GRIN2A: variants seen among roughly 807,000 people sequenced by gnomAD.
GRIN2A encodes the protein glutamate ionotropic receptor NMDA type subunit 2A, also known as glutamate receptor ionotropic, NMDA 2A.
In GRIN2A, 22 loss-of-function variants were observed where a neutral mutation model predicts 113.4. That is an observed-to-expected ratio of 0.19 (90% confidence interval 0.14 to 0.28). The LOEUF (loss-of-function observed/expected upper bound fraction) is 0.28, where lower values mean the gene tolerates loss of function less well. Among genes scored for constraint, GRIN2A ranks in the 10% least tolerant of loss-of-function variants. GRIN2A has a pLI of 1.00. For missense variants in GRIN2A, 1,502 were observed against 1,887.0 expected, an observed-to-expected ratio of 0.80 and a Z score of 3.78; for synonymous variants, 827 against 738.4, an observed-to-expected ratio of 1.12 and a Z score of -1.94.
chr16:9,834,292 G>A (rs2042549096), intron 7 of GRIN2A, 62 bp from the exon 8 acceptor site: 1 of 1,564,236 alleles, frequency 6.4e-7, no homozygotes. Context: ...ACTTCCAGCA[G>A]GAAGCCCAGA....
intron 2 of GRIN2A, among the ~76,000 whole-genome samples, chr16:10,131,135 T>C (rs539117023): frequency 5.9e-5 from 9 of 152,308 alleles, no homozygotes; most frequent in African/African-American, 2.2e-4. Flanking sequence ...CTGATCAAGA[T>C]GGCATGGAGT....
At chr16:9,914,904 GCTTTTTTTTTTTTTTTTTTTT>G (rs2044213319) in intron 3 of GRIN2A, among the ~76,000 whole-genome samples, 3 of 48,716 alleles carry the variant, frequency 6.2e-5, no homozygotes, top group Admixed American at 3.2e-4. Context: ...TGATTATGCA[GCTTTTTTTTTTTTTTTTTTTT>G]TTTTTTTTTT....
intron 2 of GRIN2A, among the ~76,000 whole-genome samples, chr16:10,173,750 T>C (rs1360331346): frequency 1.3e-5 from 2 of 152,180 alleles, no homozygotes; most frequent in African/African-American, 4.8e-5. Flanking sequence ...TGGTATGAAC[T>C]GAACACTCTG....
At position 9,760,070 on chromosome 16, in the gene GRIN2A, G is replaced by T. The variant is rs749467245; in HGVS notation, c.*3079C>A. On this transcript the variant is annotated 3_prime_UTR_variant, in exon 13 of 13. Coordinates refer to ENST00000330684, the MANE Select transcript of GRIN2A (RefSeq NM_001134407.3). ...TTAGAATTAACAAAATATCATTATG[G>T]ATGCCAGCTCTGACTTAAGCCAGCT... 4.4e-5 allele frequency: 10 copies of T among 228,174 alleles called. No individual in the cohort carries two copies. The highest frequency in any genetic ancestry group is 8.9e-5 in the African/African-American group (4 of 45,062). 14.1% of individuals were successfully genotyped at this position (228,174 alleles called of 1,614,324 possible).
intron 3 of GRIN2A, among the ~76,000 whole-genome samples, chr16:9,906,136 T>C (rs1209529336): frequency 2.6e-5 from 4 of 152,228 alleles, no homozygotes; most frequent in African/African-American, 9.6e-5. Flanking sequence ...CATACTCATA[T>C]CAAGCCCACT....
intron 2 of GRIN2A, among the ~76,000 whole-genome samples, chr16:10,079,819 A>G (rs562225173): frequency 3.9e-5 from 6 of 152,354 alleles, no homozygotes; most frequent in African/African-American, 1.4e-4. Flanking sequence ...AGCTTGGCAC[A>G]GGCTGGGAAG....
intron 2 of GRIN2A, among the ~76,000 whole-genome samples, chr16:10,011,292 T>G (rs901978325): frequency 1.3e-5 from 2 of 152,178 alleles, no homozygotes; most frequent in South Asian, 2.1e-4. Context: ...TGGAGACAAG[T>G]TCACCCCTGA....
At chr16:9,798,786 A>AAAT (rs1903169376) in intron 10 of GRIN2A, among the ~76,000 whole-genome samples, 1 of 152,226 alleles carries the variant, frequency 6.6e-6, no homozygotes, top group African/African-American at 2.4e-5. Flanking sequence ...TGCCCTATTT[A>AAAT]GAAAGGTTTG....
intron 2 of GRIN2A, among the ~76,000 whole-genome samples, chr16:10,039,642 T>C (rs1272880393): frequency 1.3e-5 from 2 of 150,312 alleles, no homozygotes; most frequent in African/African-American, 4.9e-5. Flanking sequence ...GCGGGGAGGG[T>C]CCGCACCCGG....
chr16:9,950,040 AG>A (rs2045140573), intron 2 of GRIN2A, among the ~76,000 whole-genome samples: 1 of 152,120 alleles, frequency 6.6e-6, no homozygotes, highest in Admixed American at 6.5e-5. Flanking sequence ...AATTCTGAGG[AG>A]GGTTGGGCTG....
chr16:10,125,823 G>T (rs983043039), intron 2 of GRIN2A, among the ~76,000 whole-genome samples: 1 of 151,942 alleles, frequency 6.6e-6, no homozygotes, highest in Admixed American at 6.6e-5. Context: ...GGGGGTAAAG[G>T]CTGGGTGGGA....
intron 2 of GRIN2A, among the ~76,000 whole-genome samples, chr16:10,129,556 G>A (rs376745007): frequency 2.2e-4 from 34 of 152,310 alleles, no homozygotes; most frequent in African/African-American, 7.9e-4. Context: ...GACAACCACA[G>A]AAAGGTCCAG....
intron 4 of GRIN2A, among the ~76,000 whole-genome samples, chr16:9,869,959 C>T (rs2043228408): frequency 6.6e-6 from 1 of 152,194 alleles, no homozygotes; most frequent in Admixed American, 6.5e-5. Flanking sequence ...AGGAACAAGG[C>T]ATTGTTTTTA....
At chr16:9,799,089 CAG>C (rs1190805822) in intron 10 of GRIN2A, among the ~76,000 whole-genome samples, 1 of 152,172 alleles carries the variant, frequency 6.6e-6, no homozygotes, top group South Asian at 2.1e-4. Flanking sequence ...CACGCATACA[CAG>C]AGATTGGCAA....
intron 2 of GRIN2A, among the ~76,000 whole-genome samples, chr16:10,173,278 G>C (rs2050079783): frequency 6.6e-6 from 1 of 152,184 alleles, no homozygotes; most frequent in Non-Finnish European, 1.5e-5. Context: ...CCCTTTTCGA[G>C]AGCTCTCAGT....
chr16:10,139,186 G>A (rs1412283867), intron 2 of GRIN2A, among the ~76,000 whole-genome samples: 1 of 152,174 alleles, frequency 6.6e-6, no homozygotes, highest in Non-Finnish European at 1.5e-5. Context: ...CCTAGGGGTG[G>A]AAGCTTGGGG....
chr16:10,143,464 A>G (rs1260749528), intron 2 of GRIN2A, among the ~76,000 whole-genome samples: 1 of 152,224 alleles, frequency 6.6e-6, no homozygotes, highest in African/African-American at 2.4e-5. Context: ...GTAGGTATTT[A>G]TGTTTAAAAA....
chr16:10,135,076 G>A (rs925714060), intron 2 of GRIN2A, among the ~76,000 whole-genome samples: 1 of 152,164 alleles, frequency 6.6e-6, no homozygotes, highest in African/African-American at 2.4e-5. Context: ...TTGCTTAACA[G>A]TTCTTGCTTC....
chr16:9,990,548 C>A (rs751967130), intron 2 of GRIN2A, among the ~76,000 whole-genome samples: 2 of 36,318 alleles, frequency 5.5e-5, no homozygotes, highest in Admixed American at 3.0e-4. Flanking sequence ...TCTCTACACG[C>A]GCGCGCGCGC....
Sources: allele counts gnomAD v4.1 joint callset (sites outside exome capture counted in the v4.1 genomes callset), GRCh38; gene constraint gnomAD v4.1.1; transcripts MANE v1.5; gene names NCBI Gene and HGNC (gene_info 2026-07-23, HGNC 2026-07-21).